Variants in SIK3 observed in about 807,000 individuals in gnomAD.
SIK3 encodes serine/threonine-protein kinase SIK3.
A neutral mutation model predicts 144.2 loss-of-function variants in SIK3; 28 were observed. The observed-to-expected ratio is 0.19, with a 90% CI of 0.14 to 0.27. The LOEUF (loss-of-function observed/expected upper bound fraction) is 0.27. Ranked by LOEUF, SIK3 falls within the 10% of genes least tolerant of loss-of-function variation. SIK3 has a pLI of 1.00. For synonymous variants in SIK3, 686 were observed against 676.3 expected, an observed-to-expected ratio of 1.01 and a Z score of -0.22; for missense variants, 1,319 against 1,776.0, an observed-to-expected ratio of 0.74 and a Z score of 4.62.
At chr11:117,097,694 C>T (rs1262003571) in intron 1 of SIK3, among the ~76,000 whole-genome samples, 1 of 152,122 alleles carries the variant, frequency 6.6e-6, no homozygotes, top group African/African-American at 2.4e-5. Context: ...GGTCCCCTTA[C>T]AAGCCCGGGT....
At chr11:117,024,824 C>A (rs184858115) in intron 1 of SIK3, among the ~76,000 whole-genome samples, 34 of 152,054 alleles carry the variant, frequency 2.2e-4, no homozygotes, top group Non-Finnish European at 4.3e-4. Flanking sequence ...TCACTTGAAC[C>A]CAGGAAGCGG....
intron 1 of SIK3, among the ~76,000 whole-genome samples, chr11:117,086,736 C>T (rs1237564765): frequency 6.6e-6 from 1 of 151,396 alleles, no homozygotes. Context: ...ATGGCTCACT[C>T]CTGTAATCCC....
At chr11:116,963,593 A>G (rs2135428534) in intron 1 of SIK3, among the ~76,000 whole-genome samples, 1 of 152,322 alleles carries the variant, frequency 6.6e-6, no homozygotes, top group South Asian at 2.1e-4. Context: ...GTTTTGACCT[A>G]GGGGACCCAC....
intron 1 of SIK3, among the ~76,000 whole-genome samples, chr11:117,056,536 G>GAT (rs1263259190): frequency 2.2e-5 from 3 of 138,464 alleles, no homozygotes; most frequent in Admixed American, 7.6e-5. Flanking sequence ...AAAATATATA[G>GAT]ATAGATATAG....
chr11:117,095,497 A>G (rs1955436364), intron 1 of SIK3, among the ~76,000 whole-genome samples: 2 of 152,196 alleles, frequency 1.3e-5, no homozygotes, highest in Non-Finnish European at 2.9e-5. Context: ...GGGGAGAAAA[A>G]AAATCAACCT....
chr11:116,989,365 A>ACACT (rs1420350290), intron 1 of SIK3, among the ~76,000 whole-genome samples: 1 of 152,208 alleles, frequency 6.6e-6, no homozygotes, highest in Non-Finnish European at 1.5e-5. Context: ...AGCTCACCAT[A>ACACT]CACTTATTTA....
At chr11:116,944,136 A>G (rs766934620) in intron 3 of SIK3, among the ~76,000 whole-genome samples, 12 of 152,172 alleles carry the variant, frequency 7.9e-5, no homozygotes, top group Non-Finnish European at 1.6e-4. Context: ...TTTTATCAAA[A>G]TAAGAGTTGC....
chr11:116,876,286 C>G lies in SIK3; in HGVS notation c.1062G>C (p.Glu354Asp). ...TCTGTTCTTTGTCCAGTCCCATGTCCTCCATGGCCAAGAGGACATCCTCAT... is the reference window on the plus strand; with the variant it reads ...TCTGTTCTTTGTCCAGTCCCATGTCGTCCATGGCCAAGAGGACATCCTCAT... The part of the protein sequence containing the change: ...PLNEDVLLAM[E>D]DMGLDKEQTL... The change falls in exon 8 of 25, where the codon GAG (glutamate) becomes GAC (aspartate). Residue 354 changes from glutamate (E) to aspartate (D), a missense_variant. Glu to Asp is a conservative substitution (Grantham distance 45). This residue lies in a region of SIK3 where 109 missense variants were observed against 109.3 expected (regional missense o/e 1.00). Coordinates refer to ENST00000445177, the MANE Select transcript of SIK3 (RefSeq NM_001366686.3). 6.2e-7 allele frequency: 1 copy of G among 1,614,234 alleles called. No individual in the cohort carries two copies. Among genetic ancestry groups the G allele is most frequent in the Non-Finnish European group, 8.5e-7 (1 of 1,180,032 alleles).
At chr11:117,048,601 A>G (rs932239436) in intron 1 of SIK3, among the ~76,000 whole-genome samples, 1 of 152,192 alleles carries the variant, frequency 6.6e-6, no homozygotes, top group Non-Finnish European at 1.5e-5. Context: ...GGTTGCAGTA[A>G]GCAGAGATCG....
intron 1 of SIK3, among the ~76,000 whole-genome samples, chr11:116,992,452 C>T (rs118083171): frequency 6.6e-6 from 1 of 151,846 alleles, no homozygotes; most frequent in Admixed American, 6.6e-5. Flanking sequence ...ATACACTCTA[C>T]AGCATTAAAA....
At chr11:116,913,293 G>T (rs1196029209) in intron 4 of SIK3, among the ~76,000 whole-genome samples, 1 of 149,506 alleles carries the variant, frequency 6.7e-6, no homozygotes, top group African/African-American at 2.5e-5. Flanking sequence ...ATTCCTTCAA[G>T]GAAAAAAAAA....
intron 1 of SIK3, among the ~76,000 whole-genome samples, chr11:117,020,430 G>A (rs753312961): frequency 1.3e-5 from 2 of 151,904 alleles, no homozygotes; most frequent in African/African-American, 2.4e-5. Flanking sequence ...AACCACACCT[G>A]AGCTTATGTT....
At chr11:116,914,247 C>T (rs1332874263) in intron 4 of SIK3, among the ~76,000 whole-genome samples, 4 of 145,414 alleles carry the variant, frequency 2.8e-5, no homozygotes, top group Non-Finnish European at 6.0e-5. Context: ...CTCACTCTGT[C>T]GCCCAGGCTA....
At chr11:116,870,151 T>C in intron 14 of SIK3, 180 bp downstream of exon 14, 1 of 1,532,866 alleles carries the variant, frequency 6.5e-7, no homozygotes, top group Non-Finnish European at 8.7e-7. Context: ...AGAAATGACA[T>C]TTTCTGGGTA....
intron 3 of SIK3, among the ~76,000 whole-genome samples, chr11:116,932,267 A>T (rs993442912): frequency 6.6e-6 from 1 of 152,118 alleles, no homozygotes; most frequent in African/African-American, 2.4e-5. Context: ...ATCTTTTTTT[A>T]AAAACTTTTT....
intron 3 of SIK3, among the ~76,000 whole-genome samples, chr11:116,951,304 G>C (rs1270226384): frequency 6.6e-6 from 1 of 152,102 alleles, no homozygotes; most frequent in African/African-American, 2.4e-5. Context: ...TCATGAGACA[G>C]TTCTATCCCT....
intron 19 of SIK3, among the ~76,000 whole-genome samples, chr11:116,859,832 GAA>G (rs745811272): frequency 1.2e-3 from 178 of 152,326 alleles, no homozygotes; most frequent in Middle Eastern, 3.4e-3. Context: ...GGGCCCCTAA[GAA>G]TTTGTGTTTC....
At position 116,844,651 on chromosome 11, in the gene SIK3, A is replaced by ATGTG. The variant is rs1165094057; in HGVS notation, c.*991_*992insCACA. 3 of 108,196 alleles carry ATGTG rather than the reference A, an allele frequency of 2.8e-5. No homozygotes were observed. Among genetic ancestry groups the ATGTG allele is most frequent in the African/African-American group, 1.3e-4 (3 of 23,006 alleles). 6.7% of individuals were successfully genotyped at this position (108,196 alleles called of 1,614,324 possible). ...TATAATATATTATATTATATATTATATATATAATATATATATACACATATA... is the reference window on the plus strand; with the variant it reads ...TATAATATATTATATTATATATTATATGTGTATATAATATATATATACACATATA... On this transcript the variant is annotated 3_prime_UTR_variant, in exon 25 of 25. Coordinates refer to ENST00000445177, the MANE Select transcript of SIK3 (RefSeq NM_001366686.3).
chr11:116,875,980 A>G lies in SIK3; in HGVS notation c.1125T>C (p.Tyr375=), dbSNP rs779641078. Residue 375 remains tyrosine (Y), a synonymous_variant, in exon 9 of 25, where the codon TAT becomes TAC. Coordinates refer to ENST00000445177, the MANE Select transcript of SIK3 (RefSeq NM_001366686.3). ...QSLRSDAYDH[Y]SAIYSLLCDR... ...CACACAGCAGGCTGTAGATTGCACTATAGTGATCATAGGCATCTGATCTTA... is the reference window on the plus strand; with the variant it reads ...CACACAGCAGGCTGTAGATTGCACTGTAGTGATCATAGGCATCTGATCTTA... The G allele has an allele frequency of 1.4e-5, 22 of 1,613,644 alleles. No individual in the cohort carries two copies. Among genetic ancestry groups the G allele is most frequent in the Non-Finnish European group, 1.9e-5 (22 of 1,179,906 alleles).
Sources: allele counts gnomAD v4.1 joint callset (sites outside exome capture counted in the v4.1 genomes callset), GRCh38; gene constraint gnomAD v4.1.1; regional missense constraint gnomAD v4.1.1; transcripts MANE v1.5; gene names NCBI Gene and HGNC (gene_info 2026-07-23, HGNC 2026-07-21).